The following BACH2 variants were observed in gnomAD, a reference collection of about 807,000 sequenced individuals.
The protein encoded by BACH2 is transcription regulator protein BACH2.
BACH2 carries 5 observed loss-of-function variants against 61.8 expected under a neutral mutation model. The observed-to-expected ratio is 0.08, with a 90% CI of 0.04 to 0.17. The LOEUF (loss-of-function observed/expected upper bound fraction) is 0.17. BACH2 is among the 10% of genes least tolerant of loss of function. BACH2 has a pLI of 1.00. For missense variants in BACH2, 824 were observed against 1,091.1 expected (o/e 0.76, Z 3.45); for synonymous variants, 446 against 440.1 (o/e 1.01, Z -0.17).
intron 3 of BACH2, among the ~76,000 whole-genome samples, chr6:90,240,626 T>G (rs1157458335): frequency 1.3e-5 from 2 of 152,190 alleles, no homozygotes; most frequent in Non-Finnish European, 2.9e-5. Context: ...TCTTAAATAT[T>G]CATCACAAAA....
chr6:90,219,388 A>G (rs554748920), intron 3 of BACH2, among the ~76,000 whole-genome samples: 6 of 152,270 alleles, frequency 3.9e-5, no homozygotes, highest in Non-Finnish European at 8.8e-5. Flanking sequence ...TCTGGTTTCT[A>G]TCCACACAAG....
intron 4 of BACH2, among the ~76,000 whole-genome samples, chr6:90,205,773 C>T (rs1040878924): frequency 6.6e-6 from 1 of 152,238 alleles, no homozygotes; most frequent in African/African-American, 2.4e-5. Flanking sequence ...TCTACACTGT[C>T]TTTCCCAGAT....
chr6:90,236,943 T>TGA (rs1443208699), intron 3 of BACH2, among the ~76,000 whole-genome samples: 4 of 152,122 alleles, frequency 2.6e-5, no homozygotes, highest in African/African-American at 9.7e-5. Flanking sequence ...ATTTTTTTTT[T>TGA]GAGAGAGTCT....
At chr6:90,005,930 T>G (rs1777381008) in intron 6 of BACH2, among the ~76,000 whole-genome samples, 1 of 152,134 alleles carries the variant, frequency 6.6e-6, no homozygotes, top group African/African-American at 2.4e-5. Flanking sequence ...ACACAGCAAA[T>G]TCTCACTTAA....
chr6:90,250,522 G>T (rs1046746865), intron 3 of BACH2, among the ~76,000 whole-genome samples: 2 of 152,190 alleles, frequency 1.3e-5, no homozygotes, highest in South Asian at 2.1e-4. Context: ...TCATTCGACA[G>T]ATATTGATTG....
intron 4 of BACH2, among the ~76,000 whole-genome samples, chr6:90,205,995 T>A (rs1769132172): frequency 1.3e-5 from 2 of 152,150 alleles, no homozygotes. Flanking sequence ...AAGATGCACC[T>A]TACACTCTCT....
chr6:90,238,876 T>C (rs907647986), intron 3 of BACH2, among the ~76,000 whole-genome samples: 1 of 152,210 alleles, frequency 6.6e-6, no homozygotes, highest in Admixed American at 6.5e-5. Flanking sequence ...GCTCATCTAG[T>C]GTCTCCTTTC....
intron 3 of BACH2, among the ~76,000 whole-genome samples, chr6:90,243,847 T>C (rs1770539784): frequency 6.6e-6 from 1 of 152,222 alleles, no homozygotes; most frequent in African/African-American, 2.4e-5. Flanking sequence ...GGCATCTACC[T>C]TTATGTAGTA....
intron 5 of BACH2, among the ~76,000 whole-genome samples, chr6:90,056,359 T>A (rs1018145257): frequency 6.6e-6 from 1 of 151,830 alleles, no homozygotes; most frequent in Non-Finnish European, 1.5e-5. Context: ...CAAACAAAGA[T>A]CAAAAGAGAC....
At chr6:90,072,599 T>C (rs186156741) in intron 5 of BACH2, among the ~76,000 whole-genome samples, 1 of 152,326 alleles carries the variant, frequency 6.6e-6, no homozygotes, top group African/African-American at 2.4e-5. Context: ...TCTGTTATTT[T>C]TTTACCTGTC....
chr6:90,084,262 A>G (rs1422756147), intron 5 of BACH2, among the ~76,000 whole-genome samples: 3 of 151,722 alleles, frequency 2.0e-5, no homozygotes, highest in African/African-American at 7.3e-5. Flanking sequence ...AGGAGATCCC[A>G]CTAGGGTCTG....
chr6:89,953,521 T>G (rs1774248064), intron 6 of BACH2, among the ~76,000 whole-genome samples: 1 of 152,232 alleles, frequency 6.6e-6, no homozygotes, highest in Non-Finnish European at 1.5e-5. Flanking sequence ...TTATAAATTC[T>G]ATATGGGCAA....
intron 8 of BACH2, 93 bp downstream of exon 8, chr6:89,938,051 C>T (rs1232960806): frequency 8.2e-7 from 1 of 1,216,858 alleles, no homozygotes; most frequent in Non-Finnish European, 1.2e-6. Context: ...CAAAGGGTGA[C>T]CCTTCTGTCT....
chr6:89,944,578 T>G (rs994553213), intron 7 of BACH2, among the ~76,000 whole-genome samples: 4 of 152,200 alleles, frequency 2.6e-5, no homozygotes, highest in Admixed American at 2.6e-4. Flanking sequence ...ACATACAACA[T>G]GTGTCTCAAA....
chr6:90,283,223 T>C (rs557013357), intron 1 of BACH2, among the ~76,000 whole-genome samples: 14 of 152,344 alleles, frequency 9.2e-5, no homozygotes, highest in African/African-American at 3.4e-4. Context: ...GGCTTTTTTA[T>C]TGATTCACAT....
intron 4 of BACH2, among the ~76,000 whole-genome samples, chr6:90,109,285 C>G (rs1783061546): frequency 6.6e-6 from 1 of 152,268 alleles, no homozygotes; most frequent in Non-Finnish European, 1.5e-5. Context: ...TCACTTGACT[C>G]AGTCGTCAAC....
chr6:90,231,608 C>A (rs565196553), intron 3 of BACH2, among the ~76,000 whole-genome samples: 21 of 152,322 alleles, frequency 1.4e-4, no homozygotes, highest in African/African-American at 4.6e-4. Context: ...CCCTGGGCTG[C>A]AAATTCTCAT....
chr6:89,947,731 A>G (rs1337457780), intron 7 of BACH2, among the ~76,000 whole-genome samples: 2 of 151,298 alleles, frequency 1.3e-5, no homozygotes, highest in Non-Finnish European at 1.5e-5. Flanking sequence ...ACGCCCAGCT[A>G]ATTTTTTTTT....
intron 6 of BACH2, among the ~76,000 whole-genome samples, chr6:89,966,272 TA>T (rs1775042620): frequency 6.6e-6 from 1 of 152,206 alleles, no homozygotes; most frequent in Admixed American, 6.5e-5. Flanking sequence ...ATAAAAATCA[TA>T]CATGGAAACC....
Sources: allele counts gnomAD v4.1 joint callset (sites outside exome capture counted in the v4.1 genomes callset), GRCh38; gene constraint gnomAD v4.1.1; transcripts MANE v1.5; gene names NCBI Gene and HGNC (gene_info 2026-07-23, HGNC 2026-07-21).